The following ZRANB1 variants were observed in gnomAD, a reference collection of about 807,000 sequenced individuals.
ZRANB1 encodes the protein zinc finger RANBP2-type containing 1, also known as ubiquitin thioesterase ZRANB1.
In ZRANB1, 16 loss-of-function variants were observed where a neutral mutation model predicts 80.5. The ratio of observed to expected loss-of-function variants is 0.20; its 90% CI spans 0.13 to 0.30. The LOEUF is 0.30. ZRANB1 is among the 10% of genes least tolerant of loss of function. ZRANB1 has a pLI of 1.00. For synonymous variants in ZRANB1, 291 were observed against 293.1 expected (o/e 0.99, Z 0.07); for missense variants, 576 against 862.6 (o/e 0.67, Z 4.16).
chr10:124,951,471 C>T (rs1329187036), intron 1 of ZRANB1, among the ~76,000 whole-genome samples: 2 of 152,048 alleles, frequency 1.3e-5, no homozygotes, highest in African/African-American at 4.8e-5. Context: ...GGTGATTTTG[C>T]CCATTTAAGA....
At chr10:124,975,089 G>A (rs912024581) in intron 5 of ZRANB1, among the ~76,000 whole-genome samples, 2 of 152,152 alleles carry the variant, frequency 1.3e-5, no homozygotes, top group Non-Finnish European at 2.9e-5. Flanking sequence ...CTGAGCTGCC[G>A]CACCCAGCCT....
At chr10:124,953,386 C>T (rs917764408) in intron 1 of ZRANB1, among the ~76,000 whole-genome samples, 2 of 152,072 alleles carry the variant, frequency 1.3e-5, no homozygotes, top group Admixed American at 6.6e-5. Context: ...CAAATGGTAA[C>T]GGGTTTCTTT....
chr10:124,918,172 T>A, the ZRANB1 span, among the ~76,000 whole-genome samples: 1 of 152,204 alleles, frequency 6.6e-6, no homozygotes, highest in Non-Finnish European at 1.5e-5. Flanking sequence ...AATACCGTTT[T>A]AGGAACACAA....
rs952465624 is a variant in ZRANB1, at chr10:124,985,142, T to C, written c.*150T>C. ...GTGTTTTCCTGGACCACACACACCTTATGGAGATAATGCCTCTGCTGCGTG... is the reference window on the plus strand; with the variant it reads ...GTGTTTTCCTGGACCACACACACCTCATGGAGATAATGCCTCTGCTGCGTG... On this transcript the variant is annotated 3_prime_UTR_variant, in exon 9 of 9. Transcript: ENST00000359653. The C allele has an allele frequency of 8.2e-6, 5 of 611,062 alleles. No individual in the cohort carries two copies. In the African/African-American group the frequency reaches 9.2e-5, roughly 11 times the overall value. The allele number at this position is 611,062 out of a possible 1,614,324, so 37.9% of individuals were successfully genotyped here.
intron 1 of ZRANB1, among the ~76,000 whole-genome samples, chr10:124,954,797 A>T (rs576519729): frequency 1.3e-5 from 2 of 151,852 alleles, no homozygotes; most frequent in East Asian, 3.9e-4. Context: ...CAGAACCAGT[A>T]AACAGGTCTT....
At chr10:124,959,163 G>A (rs1951710242) in intron 1 of ZRANB1, among the ~76,000 whole-genome samples, 1 of 152,218 alleles carries the variant, frequency 6.6e-6, no homozygotes, top group African/African-American at 2.4e-5. Flanking sequence ...CCTAGAAGGA[G>A]CATAGAACCT....
rs1952081058 is a variant in ZRANB1, at chr10:124,987,408, A to C, written c.*2416A>C. On this transcript the variant is annotated 3_prime_UTR_variant, in exon 9 of 9. Coordinates refer to ENST00000359653, the MANE Select transcript of ZRANB1 (RefSeq NM_017580.3). ...TTTGTTTGGGCGACCAAGATCTAAT[A>C]ATTAAAACCCAGGTGGACCATGGAT... is the stretch of plus-strand genomic sequence containing the variant. The C allele has an allele frequency of 6.6e-6, 1 of 151,984 alleles. No homozygotes were observed. Among genetic ancestry groups the C allele is most frequent in the African/African-American group, 2.4e-5 (1 of 41,376 alleles). The allele number at this position is 151,984 out of a possible 1,614,324, so 9.4% of individuals were successfully genotyped here.
intron 6 of ZRANB1, among the ~76,000 whole-genome samples, chr10:124,982,165 C>T (rs560576458): frequency 1.3e-5 from 2 of 152,276 alleles, no homozygotes; most frequent in East Asian, 1.9e-4. Flanking sequence ...GATTGCTCTC[C>T]GTTCCTGCAG....
chr10:124,927,913 C>T, the ZRANB1 span, among the ~76,000 whole-genome samples: 1 of 152,026 alleles, frequency 6.6e-6, no homozygotes, highest in Non-Finnish European at 1.5e-5. Flanking sequence ...GGCACATGCC[C>T]ATAATCCCAG....
At chr10:124,949,523 A>T (rs10901845) in intron 1 of ZRANB1, among the ~76,000 whole-genome samples, 66,505 of 116,796 alleles carry the variant, frequency 0.57, 20,794 homozygotes, top group East Asian at 0.74. Flanking sequence ...ACACACACAC[A>T]TTTTTTTTTT....
chr10:124,928,369 C>T, the ZRANB1 span, among the ~76,000 whole-genome samples: 1 of 152,198 alleles, frequency 6.6e-6, no homozygotes, highest in African/African-American at 2.4e-5. Context: ...GAGGAGTGAT[C>T]TCCTTAAGTG....
chr10:124,943,246 A>G lies in ZRANB1; in HGVS notation c.753A>G (p.Lys251=). 6.2e-7 allele frequency: 1 copy of G among 1,614,158 alleles called. No homozygotes were observed. Among genetic ancestry groups the G allele is most frequent in the Non-Finnish European group, 8.5e-7 (1 of 1,180,022 alleles). ...AGGAACTTGAAGTAGACTTTAAAAAACTAAAGCAAATTAAAAACAGGATGA... is the reference window on the plus strand; with the variant it reads ...AGGAACTTGAAGTAGACTTTAAAAAGCTAAAGCAAATTAAAAACAGGATGA... ...SKEELEVDFK[K]LKQIKNRMKK... Residue 251 remains lysine (K), a synonymous_variant, in exon 1 of 9, where the codon AAA becomes AAG. Transcript: ENST00000359653.
chr10:124,973,798 G>A, intron 4 of ZRANB1, 82 bp downstream of exon 4: 1 of 1,240,492 alleles, frequency 8.1e-7, no homozygotes. Flanking sequence ...GTAGTTTGGT[G>A]TGTAGTCAAC....
At chr10:124,984,094 T>G in intron 8 of ZRANB1, among the ~76,000 whole-genome samples, 1 of 151,562 alleles carries the variant, frequency 6.6e-6, no homozygotes, top group African/African-American at 2.4e-5. Context: ...AGGATAGGGA[T>G]GGGGGGGAGT....
At chr10:124,981,671 G>A (rs763989285) in intron 5 of ZRANB1, 38 bp from the exon 6 acceptor site, 1 of 1,536,398 alleles carries the variant, frequency 6.5e-7, no homozygotes, top group Non-Finnish European at 8.8e-7. Context: ...ATTTATAGAA[G>A]ACTATTTATT....
At chr10:124,920,140 C>T in the ZRANB1 span, among the ~76,000 whole-genome samples, 2 of 150,880 alleles carry the variant, frequency 1.3e-5, no homozygotes, top group African/African-American at 4.9e-5. Context: ...CTAGGCTGGT[C>T]TCGAACTCCT....
At chr10:124,922,616 C>G in the ZRANB1 span, among the ~76,000 whole-genome samples, 1 of 151,660 alleles carries the variant, frequency 6.6e-6, no homozygotes, top group Admixed American at 6.6e-5. Flanking sequence ...CCTCAGCCTT[C>G]TGAGTAGCTG....
chr10:124,936,135 C>G, the ZRANB1 span, among the ~76,000 whole-genome samples: 1 of 152,042 alleles, frequency 6.6e-6, no homozygotes, highest in South Asian at 2.1e-4. Context: ...GTGACACATG[C>G]ATGAGTCGGG....
the ZRANB1 span, among the ~76,000 whole-genome samples, chr10:124,930,359 G>A: frequency 1.3e-5 from 2 of 152,080 alleles, no homozygotes; most frequent in Admixed American, 1.3e-4. Context: ...TCCTCCTCCT[G>A]GGTTCAAGCA....
Sources: allele counts gnomAD v4.1 joint callset (sites outside exome capture counted in the v4.1 genomes callset), GRCh38; gene constraint gnomAD v4.1.1; transcripts MANE v1.5; gene names NCBI Gene and HGNC (gene_info 2026-07-23, HGNC 2026-07-21).